The following NDEL1 variants were observed in gnomAD, a reference collection of about 807,000 sequenced individuals.
NDEL1 encodes the protein nudE neurodevelopment protein 1 like 1, also known as nuclear distribution protein nudE-like 1.
Under a neutral mutation model 45.7 loss-of-function variants are expected in NDEL1, and 9 were observed. The observed-to-expected ratio is 0.20, with a 90% CI of 0.12 to 0.34. NDEL1 has a LOEUF of 0.34. NDEL1 is among the 10% of genes least tolerant of loss of function. The pLI is 1.00. For missense variants in NDEL1, 306 were observed against 406.2 expected, an observed-to-expected ratio of 0.75 and a Z score of 2.12; for synonymous variants, 133 against 158.6, an observed-to-expected ratio of 0.84 and a Z score of 1.21.
chr17:8,458,548 CTGTGTGTGTG>C (rs112741158), intron 7 of NDEL1, among the ~76,000 whole-genome samples: 2 of 149,940 alleles, frequency 1.3e-5, no homozygotes, highest in Non-Finnish European at 3.0e-5. Flanking sequence ...TCAATTTCTA[CTGTGTGTGTG>C]TGTGTGTGTG....
At chr17:8,459,217 C>T (rs1004366837) in intron 7 of NDEL1, among the ~76,000 whole-genome samples, 9 of 151,944 alleles carry the variant, frequency 5.9e-5, no homozygotes, top group African/African-American at 1.2e-4. Flanking sequence ...TTTTTCTTTT[C>T]GGAGAAGGAG....
At chr17:8,417,614 C>T (rs1392810341) in intron 1 of NDEL1, among the ~76,000 whole-genome samples, 2 of 152,080 alleles carry the variant, frequency 1.3e-5, no homozygotes, top group African/African-American at 4.8e-5. Context: ...AATGGGGGGA[C>T]CAGTCCAAAT....
At chr17:8,439,060 G>A (rs1243096016) in intron 1 of NDEL1, among the ~76,000 whole-genome samples, 1 of 151,028 alleles carries the variant, frequency 6.6e-6, no homozygotes, top group East Asian at 1.9e-4. Flanking sequence ...TCCTGCCTCA[G>A]CCTCCCGAGT....
At chr17:8,422,419 C>T (rs1404457782) in intron 1 of NDEL1, among the ~76,000 whole-genome samples, 3 of 150,294 alleles carry the variant, frequency 2.0e-5, no homozygotes, top group African/African-American at 7.3e-5. Flanking sequence ...GGTGATTCTC[C>T]TGCCTCAGCC....
intron 8 of NDEL1, chr17:8,466,486 G>GT (rs1198984016): frequency 6.4e-6 from 1 of 157,372 alleles, no homozygotes; most frequent in Non-Finnish European, 1.4e-5. Flanking sequence ...AATCTACAGA[G>GT]TTTGGTAACC....
chr17:8,422,162 C>G (rs1436936338), intron 1 of NDEL1, among the ~76,000 whole-genome samples: 2 of 152,230 alleles, frequency 1.3e-5, no homozygotes, highest in African/African-American at 4.8e-5. Context: ...TGCTCTATGT[C>G]TCTGGGCCTC....
At chr17:8,433,946 C>A (rs1909081788), upstream of NDEL1, among the ~76,000 whole-genome samples, 2 of 152,308 alleles carry the variant, frequency 1.3e-5, no homozygotes, top group South Asian at 4.1e-4. Context: ...CTTCTCTGAT[C>A]TTTATTGATT....
chr17:8,425,048 C>T (rs890233743), intron 1 of NDEL1, among the ~76,000 whole-genome samples: 1 of 152,168 alleles, frequency 6.6e-6, no homozygotes, highest in Non-Finnish European at 1.5e-5. Flanking sequence ...GCCCTTTTCA[C>T]GAGGGTGCTC....
rs1910567672 is a variant in NDEL1 at position 8,452,452 on chromosome 17, T to G, written c.700+1499T>G. Among the ~76,000 whole-genome samples the G allele has an allele frequency of 2.0e-5, 3 of 152,064 alleles. No homozygotes were observed. In the South Asian group the frequency reaches 6.2e-4, roughly 32 times the overall value. Reference sequence around the variant, plus strand: ...GTGTGCCAACCCTATGGCAGTAATATTTGCTTAATAGATATGTTTTTAGGC... The same window carrying G: ...GTGTGCCAACCCTATGGCAGTAATAGTTGCTTAATAGATATGTTTTTAGGC... On this transcript the variant is annotated intron_variant, in intron 6 of 8. Coordinates refer to ENST00000334527, the MANE Select transcript of NDEL1 (RefSeq NM_030808.5).
intron 4 of NDEL1, 126 bp downstream of exon 4, chr17:8,447,028 T>C: frequency 8.3e-7 from 1 of 1,201,818 alleles, no homozygotes; most frequent in East Asian, 2.6e-5. Context: ...ATGTCACCTG[T>C]AACTCATCGG....
chr17:8,473,393 G>T (rs1486156971), intron 3 of NDEL1, among the ~76,000 whole-genome samples: 1 of 152,122 alleles, frequency 6.6e-6, no homozygotes, highest in Non-Finnish European at 1.5e-5. Flanking sequence ...CACCATGTTG[G>T]CCAGGCTGGA....
At chr17:8,437,006 T>C (rs1412507836) in intron 1 of NDEL1, among the ~76,000 whole-genome samples, 1 of 152,214 alleles carries the variant, frequency 6.6e-6, no homozygotes, top group Admixed American at 6.5e-5. Flanking sequence ...TTGCCAAAGA[T>C]ATGCCAGAAG....
intron 6 of NDEL1, 30 bp downstream of exon 6, chr17:8,450,983 T>C: frequency 1.3e-6 from 2 of 1,591,764 alleles, no homozygotes; most frequent in Non-Finnish European, 1.7e-6. Flanking sequence ...TTTGAGGCGA[T>C]GTGTTAGATG....
rs1481482853 is a variant in NDEL1, at chr17:8,465,456, C to G, written c.945-1474C>G. 1 of 152,124 alleles carries G rather than the reference C, an allele frequency of 6.6e-6. No individual in the cohort carries two copies. Among genetic ancestry groups the G allele is most frequent in the Non-Finnish European group, 1.5e-5 (1 of 68,028 alleles). The allele number at this position is 152,124 out of a possible 1,614,324, so 9.4% of individuals were successfully genotyped here. ...TCCTGGGGCTCTTGGTCTCTGTATG[C>G]GTGGTTGGAATTTAAACTCCACATA... On this transcript the variant is annotated intron_variant, in intron 8 of 8. Transcript: ENST00000334527. The surrounding 1 kb of genome is among the most constrained non-coding windows in gnomAD (Gnocchi z 4.9).
chr17:8,438,567 G>A (rs577594920), intron 1 of NDEL1, among the ~76,000 whole-genome samples: 20 of 152,224 alleles, frequency 1.3e-4, no homozygotes, highest in African/African-American at 4.1e-4. Flanking sequence ...CCAGGCTGGA[G>A]TGCAGTGGAG....
intron 5 of NDEL1, among the ~76,000 whole-genome samples, chr17:8,449,128 G>A (rs763004962): frequency 6.6e-6 from 1 of 152,084 alleles, no homozygotes; most frequent in Non-Finnish European, 1.5e-5. Context: ...GATTACAGGC[G>A]CCCGCCACCA....
intron 7 of NDEL1, among the ~76,000 whole-genome samples, chr17:8,459,186 T>C (rs1167053595): frequency 6.6e-6 from 1 of 152,202 alleles, no homozygotes; most frequent in Non-Finnish European, 1.5e-5. Flanking sequence ...TGTGTATATA[T>C]ATATTTTGCC....
In NDEL1 at chr17:8,460,782, G is replaced by C. The variant is rs578231124; in HGVS notation, c.944+622G>C. 2.6e-5 allele frequency among the ~76,000 whole-genome samples: 4 copies of C among 152,200 alleles called. No individual in the cohort carries two copies. In the East Asian group the frequency reaches 7.7e-4, roughly 29 times the overall value. On this transcript the variant is annotated intron_variant, in intron 8 of 8. Transcript: ENST00000334527. ...CTGCATTCCTTACAGTTATTCCAAG[G>C]CATGCCAAATCATATTTTTATGCAT...
intron 1 of NDEL1, among the ~76,000 whole-genome samples, chr17:8,422,463 C>T (rs183599709): frequency 6.6e-6 from 1 of 151,746 alleles, no homozygotes; most frequent in East Asian, 2.0e-4. Flanking sequence ...CACCCGCCAC[C>T]ATGCCCAGCC....
Sources: allele counts gnomAD v4.1 joint callset (sites outside exome capture counted in the v4.1 genomes callset), GRCh38; gene constraint gnomAD v4.1.1; non-coding constraint Gnocchi (gnomAD v3.1); transcripts MANE v1.5; gene names NCBI Gene and HGNC (gene_info 2026-07-23, HGNC 2026-07-21).